MECR: variants seen among roughly 807,000 people sequenced by gnomAD.
MECR encodes the protein mitochondrial trans-2-enoyl-CoA reductase.
A neutral mutation model predicts 49.1 loss-of-function variants in MECR; 37 were observed. The ratio of observed to expected loss-of-function variants is 0.75; its 90% CI spans 0.58 to 0.99. The LOEUF is 0.99. Among genes scored for constraint, MECR ranks in the 50% least tolerant of loss-of-function variants. MECR has a pLI of 0.00. For missense variants in MECR, 470 were observed against 479.6 expected, an observed-to-expected ratio of 0.98 and a Z score of 0.19; for synonymous variants, 198 against 191.1, an observed-to-expected ratio of 1.04 and a Z score of -0.30.
At chr1:29,170,427 TAAAC>T in the MECR span, 1 of 152,208 alleles carries the variant, frequency 6.6e-6, no homozygotes, top group African/African-American at 2.4e-5. Context: ...ACTTACCTCT[TAAAC>T]AACACAATGA....
chr1:29,181,956 C>T, the MECR span: 1 of 400,988 alleles, frequency 2.5e-6, no homozygotes, highest in Non-Finnish European at 4.3e-6. Flanking sequence ...GGAAGGTAAC[C>T]GGAGAGAGCG....
At chr1:29,215,558 T>C (rs532405500) in intron 3 of MECR, among the ~76,000 whole-genome samples, 1 of 149,556 alleles carries the variant, frequency 6.7e-6, no homozygotes, top group Non-Finnish European at 1.5e-5. Flanking sequence ...GGTGACAAAG[T>C]GAGACCCTGT....
At chr1:29,183,089 T>C in the MECR span, among the ~76,000 whole-genome samples, 1 of 152,242 alleles carries the variant, frequency 6.6e-6, no homozygotes, top group Non-Finnish European at 1.5e-5. Context: ...GTTCAAATGA[T>C]ACACAGTGAA....
chr1:29,181,982 C>G, the MECR span: 1 of 372,338 alleles, frequency 2.7e-6, no homozygotes, highest in Non-Finnish European at 4.7e-6. Flanking sequence ...TCGCTTCCCG[C>G]TCGGCCAGGA....
intron 1 of MECR, among the ~76,000 whole-genome samples, chr1:29,222,686 T>C (rs1219936294): frequency 6.6e-6 from 1 of 152,118 alleles, no homozygotes; most frequent in African/African-American, 2.4e-5. Context: ...TGAGATTCAC[T>C]GAAGTGGGAG....
At chr1:29,207,275 A>AT (rs1676849940) in intron 3 of MECR, among the ~76,000 whole-genome samples, 1 of 151,974 alleles carries the variant, frequency 6.6e-6, no homozygotes, top group Non-Finnish European at 1.5e-5. Flanking sequence ...ATGCACTACC[A>AT]TACATGGCTA....
intron 3 of MECR, among the ~76,000 whole-genome samples, chr1:29,207,719 GACAC>G: frequency 6.6e-6 from 1 of 152,200 alleles, no homozygotes. Context: ...CAGCCTCGGT[GACAC>G]AGCAAGAACC....
At chr1:29,222,820 G>A (rs1168303525) in intron 1 of MECR, among the ~76,000 whole-genome samples, 1 of 152,030 alleles carries the variant, frequency 6.6e-6, no homozygotes, top group African/African-American at 2.4e-5. Flanking sequence ...GCCTGGGGGT[G>A]GGGGGGTCCA....
rs1168051663 is a variant in MECR, at chr1:29,209,676, TGAA to T, written c.407-2774_407-2772del. ...GCACTCACACAGGCAGGATCTTGTA[TGAA>T]GAAGGGGTGAAGAGGGTAGGCTTTG... On this transcript the variant is annotated intron_variant, in intron 3 of 9. Coordinates refer to ENST00000263702, the MANE Select transcript of MECR (RefSeq NM_016011.5). Among the ~76,000 whole-genome samples, 6 of 152,150 alleles carry T rather than the reference TGAA, an allele frequency of 3.9e-5. No individual in the cohort carries two copies. The East Asian group carries it at 5.8e-4, about 15-fold the overall frequency.
At chr1:29,187,799 G>A (rs572632353), downstream of MECR, among the ~76,000 whole-genome samples, 422 of 150,866 alleles carry the variant, frequency 2.8e-3, 1 homozygote, top group African/African-American at 9.8e-3. Flanking sequence ...CACTTTGGGA[G>A]GCCCAGGTGG....
At chr1:29,181,529 C>G in the MECR span, 3 of 892,538 alleles carry the variant, frequency 3.4e-6, no homozygotes, top group Non-Finnish European at 4.8e-6. Context: ...ATGGCGGAGC[C>G]TGGCCAGGCC....
intron 6 of MECR, among the ~76,000 whole-genome samples, chr1:29,200,957 T>TA (rs1002155999): frequency 4.0e-5 from 6 of 151,160 alleles, no homozygotes; most frequent in Non-Finnish European, 8.9e-5. Context: ...ACCAGATAAT[T>TA]AAAAAAAAAT....
chr1:29,218,754 C>T (rs1276069905), intron 1 of MECR, among the ~76,000 whole-genome samples: 1 of 152,024 alleles, frequency 6.6e-6, no homozygotes, highest in Non-Finnish European at 1.5e-5. Context: ...GCCTGTAGTC[C>T]CAGCTACTTA....
chr1:29,230,394 C>T, intron 1 of MECR: 1 of 278,542 alleles, frequency 3.6e-6, no homozygotes, highest in South Asian at 3.9e-5. Context: ...ACCTCTTCTG[C>T]CTCAGTTTTC....
intron 1 of MECR, chr1:29,229,045 G>A (rs1682809097): frequency 6.6e-6 from 1 of 152,122 alleles, no homozygotes; most frequent in African/African-American, 2.4e-5. Context: ...CTGACACAAT[G>A]CTTTATTACC....
At chr1:29,220,116 C>T (rs1408515391) in intron 1 of MECR, among the ~76,000 whole-genome samples, 2 of 151,822 alleles carry the variant, frequency 1.3e-5, no homozygotes, top group East Asian at 3.9e-4. Context: ...CATGGCCAGG[C>T]ATGGTGGCTC....
chr1:29,206,248 C>T (rs1318869216), intron 4 of MECR, among the ~76,000 whole-genome samples: 2 of 152,128 alleles, frequency 1.3e-5, no homozygotes, highest in Non-Finnish European at 2.9e-5. Flanking sequence ...GGGGTCAGAC[C>T]CAGGTTATCT....
chr1:29,224,365 G>C (rs1172343600), intron 1 of MECR: 6 of 152,146 alleles, frequency 3.9e-5, no homozygotes, highest in African/African-American at 7.2e-5. Context: ...GTAACATCTT[G>C]TGCCCAGGAT....
rs761771473 is a variant in MECR at position 29,195,995 on chromosome 1, C to T, written c.910G>A (p.Asp304Asn). Residue 304 changes from aspartate (D) to asparagine (N), a missense_variant, in exon 9 of 10, where the codon GAT (aspartate) becomes AAT (asparagine). Asp to Asn is a conservative substitution (Grantham distance 23). Coordinates refer to ENST00000263702, the MANE Select transcript of MECR (RefSeq NM_016011.5). ...AACCAAAAGCCTCGAAGTTTGAGAT[C>T]CTTAAAAATGAGCAGGCTCTGCAGA... ...VASVSLLIFKDLKLRGFWLSQ... is the reference protein window; with the variant it reads ...VASVSLLIFKNLKLRGFWLSQ... 1 of 1,614,240 alleles carries T rather than the reference C, an allele frequency of 6.2e-7. No individual in the cohort carries two copies. The highest frequency in any genetic ancestry group is 8.5e-7 in the Non-Finnish European group (1 of 1,180,044).
Sources: gnomAD v4.1 joint callset for allele counts (sites outside exome capture counted in the v4.1 genomes callset) on GRCh38, gnomAD v4.1.1 for gene constraint, MANE v1.5 for transcripts, NCBI Gene and HGNC (gene_info 2026-07-23, HGNC 2026-07-21) for gene names.